Variants in UBE2J1 observed in about 807,000 individuals in gnomAD.
UBE2J1 encodes the protein ubiquitin-conjugating enzyme E2 J1.
A neutral mutation model predicts 42.1 loss-of-function variants in UBE2J1; 17 were observed. That is an observed-to-expected ratio of 0.40 (90% confidence interval 0.28 to 0.61). UBE2J1 has a LOEUF of 0.61. Among genes scored for constraint, UBE2J1 ranks in the 20% least tolerant of loss-of-function variants. UBE2J1 has a pLI of 0.38. For synonymous variants in UBE2J1, 127 were observed against 137.2 expected, an observed-to-expected ratio of 0.93 and a Z score of 0.52; for missense variants, 291 against 389.4, an observed-to-expected ratio of 0.75 and a Z score of 2.13.
chr6:89,338,944 C>A (rs956070077), intron 3 of UBE2J1, among the ~76,000 whole-genome samples: 1 of 152,022 alleles, frequency 6.6e-6, no homozygotes, highest in Admixed American at 6.6e-5. Flanking sequence ...GGATTACAGG[C>A]ATGAGCCACC....
chr6:89,338,782 C>T (rs1218799277), intron 3 of UBE2J1, among the ~76,000 whole-genome samples: 1 of 149,280 alleles, frequency 6.7e-6, no homozygotes, highest in Non-Finnish European at 1.5e-5. Context: ...TCTCCTGCCT[C>T]AGCCTCCCAA....
Position 89,339,438 on chromosome 6 carries a change from G to GA in UBE2J1, c.238-896dup, listed in dbSNP as rs1187287575. Among the ~76,000 whole-genome samples the GA allele has an allele frequency of 2.7e-3, 137 of 50,024 alleles. 2 individuals are homozygous for GA. Among genetic ancestry groups the GA allele is most frequent in the African/African-American group, 0.011 (123 of 11,062 alleles). The allele number at this position is 50,024 out of a possible 152,430, so 32.8% of individuals were successfully genotyped here. A position where few individuals can be genotyped will look rare whatever the true frequency, so the allele number is the denominator to read the frequency against. ...GTGTGAGACCCTGTCCCCAAGAAAAGAAAAAAAAAGAGGAGAGGAGGGGAG... is the reference window on the plus strand; with the variant it reads ...GTGTGAGACCCTGTCCCCAAGAAAAGAAAAAAAAAAGAGGAGAGGAGGGGAG... On this transcript the variant is annotated intron_variant, in intron 3 of 7. Coordinates refer to ENST00000435041, the MANE Select transcript of UBE2J1 (RefSeq NM_016021.3).
At chr6:89,352,281 G>C (rs1003393669) in intron 1 of UBE2J1, among the ~76,000 whole-genome samples, 3 of 152,166 alleles carry the variant, frequency 2.0e-5, no homozygotes, top group South Asian at 2.1e-4. Context: ...CCAGCTCTAC[G>C]GGACCAGGCG....
chr6:89,342,085 T>C (rs896519186), intron 3 of UBE2J1, among the ~76,000 whole-genome samples: 3 of 152,230 alleles, frequency 2.0e-5, no homozygotes, highest in African/African-American at 7.2e-5. Flanking sequence ...TATTAATTCA[T>C]TGAATCCTAA....
In UBE2J1 at chr6:89,333,148, A is replaced by G. The variant is rs371742400; in HGVS notation, c.616T>C (p.Ser206Pro). The change falls in exon 7 of 8, where the codon TCA (serine) becomes CCA (proline). Residue 206 changes from serine (S) to proline (P), a missense_variant. Transcript: ENST00000435041. ...ISESDLNHSF[S>P]LTDLQDDIPT... ...ATATCATCTTGTAAATCAGTTAGTG[A>G]AAAAGAGTGGTTTAAGTCTGACTCA... The G allele has an allele frequency of 2.9e-5, 46 of 1,613,326 alleles. No individual in the cohort carries two copies. The Admixed American group carries it at 7.7e-4, about 27-fold the overall frequency.
chr6:89,332,343 AT>A (rs1382831384), intron 7 of UBE2J1, among the ~76,000 whole-genome samples: 1 of 152,140 alleles, frequency 6.6e-6, no homozygotes, highest in East Asian at 1.9e-4. Flanking sequence ...ATCCAGTCAT[AT>A]TTTTTAAATC....
chr6:89,332,139 C>A (rs1562410946), intron 7 of UBE2J1, among the ~76,000 whole-genome samples: 1 of 152,138 alleles, frequency 6.6e-6, no homozygotes, highest in Non-Finnish European at 1.5e-5. Context: ...AAGGGCAAAT[C>A]TATATTTGCC....
chr6:89,351,295 T>G (rs1346770685), intron 1 of UBE2J1, among the ~76,000 whole-genome samples: 4 of 151,970 alleles, frequency 2.6e-5, no homozygotes. Flanking sequence ...TTGGCCAGGC[T>G]GCTCTCCACC....
In UBE2J1 at chr6:89,328,771, T is replaced by G. The variant is rs1335174515; in HGVS notation, c.*908A>C. The G allele has an allele frequency of 6.6e-6, 1 of 152,170 alleles. No individual in the cohort carries two copies. The highest frequency in any genetic ancestry group is 1.9e-4 in the East Asian group (1 of 5,200). 9.4% of individuals were successfully genotyped at this position (152,170 alleles called of 1,614,324 possible). On this transcript the variant is annotated 3_prime_UTR_variant, in exon 8 of 8. Coordinates refer to ENST00000435041, the MANE Select transcript of UBE2J1 (RefSeq NM_016021.3). ...TGAGGTTTTCTATTAAAATAGGACA[T>G]GAAATATTTCAATATTATGCATATT...
chr6:89,346,150 T>G (rs1259432507), intron 1 of UBE2J1, among the ~76,000 whole-genome samples: 1 of 152,030 alleles, frequency 6.6e-6, no homozygotes, highest in Non-Finnish European at 1.5e-5. Context: ...GTGCTGAGAT[T>G]ACAGGCGGGA....
At chr6:89,342,175 G>T in intron 3 of UBE2J1, 149 bp downstream of exon 3, 3 of 693,094 alleles carry the variant, frequency 4.3e-6, no homozygotes, top group South Asian at 4.1e-5. Flanking sequence ...AATTATTTTG[G>T]AGGAAAAAAA....
chr6:89,336,957 C>T (rs1404919871), intron 5 of UBE2J1, among the ~76,000 whole-genome samples: 1 of 151,930 alleles, frequency 6.6e-6, no homozygotes, highest in Non-Finnish European at 1.5e-5. Context: ...CCTTCCACCT[C>T]AGTCTCTAAG....
Position 89,339,764 on chromosome 6 carries a change from C to G in UBE2J1, c.238-1221G>C, listed in dbSNP as rs533317222. 5.3e-5 allele frequency among the ~76,000 whole-genome samples: 8 copies of G among 150,946 alleles called. No individual in the cohort carries two copies. The South Asian group carries it at 1.7e-3, about 32-fold the overall frequency. On this transcript the variant is annotated intron_variant, in intron 3 of 7. Coordinates refer to ENST00000435041, the MANE Select transcript of UBE2J1 (RefSeq NM_016021.3). ...GTGACTCATGTCTGTAATCCCAGCACTTGGGAGGCTAAGGTAGGAAGGTCA... is the reference window on the plus strand; with the variant it reads ...GTGACTCATGTCTGTAATCCCAGCAGTTGGGAGGCTAAGGTAGGAAGGTCA...
chr6:89,343,635 GT>G, intron 2 of UBE2J1, 47 bp downstream of exon 2: 1 of 1,451,200 alleles, frequency 6.9e-7, no homozygotes, highest in Non-Finnish European at 9.4e-7. Context: ...TAAAAAATTT[GT>G]TTTAAATATT....
chr6:89,331,947 A>T (rs1403550425), intron 7 of UBE2J1, among the ~76,000 whole-genome samples: 2 of 152,222 alleles, frequency 1.3e-5, no homozygotes, highest in Non-Finnish European at 2.9e-5. Context: ...TTACATTGGG[A>T]TCACACAAAA....
At chr6:89,349,100 G>T (rs1289497063) in intron 1 of UBE2J1, among the ~76,000 whole-genome samples, 2 of 152,164 alleles carry the variant, frequency 1.3e-5, no homozygotes, top group Non-Finnish European at 2.9e-5. Context: ...AGCTGGGTGT[G>T]GTGGCACACA....
At chr6:89,332,104 A>G (rs1045912494) in intron 7 of UBE2J1, among the ~76,000 whole-genome samples, 2 of 152,026 alleles carry the variant, frequency 1.3e-5, no homozygotes, top group African/African-American at 4.8e-5. Flanking sequence ...ATTCACTCCC[A>G]CTTTACGTAC....
At chr6:89,342,897 A>G (rs73752738) in intron 2 of UBE2J1, among the ~76,000 whole-genome samples, 1,715 of 152,332 alleles carry the variant, frequency 0.011, 34 homozygotes, top group African/African-American at 0.039. Context: ...ATTTAATGTC[A>G]TCTTACAGTT....
chr6:89,343,671 A>T lies in UBE2J1; in HGVS notation c.105+12T>A, dbSNP rs765680698. On this transcript the variant is annotated intron_variant, in intron 2 of 7. Transcript: ENST00000435041. Reference sequence around the variant, plus strand: ...TAAAATCCATATGAAGAACATGGAGATAGAAACTAACCTCTAAAGGCTGCG... The same window carrying T: ...TAAAATCCATATGAAGAACATGGAGTTAGAAACTAACCTCTAAAGGCTGCG... 8 of 1,580,330 alleles carry T rather than the reference A, an allele frequency of 5.1e-6. No homozygotes were observed. Among genetic ancestry groups the T allele is most frequent in the Non-Finnish European group, 8.6e-7 (1 of 1,167,372 alleles).
Sources: allele counts gnomAD v4.1 joint callset (sites outside exome capture counted in the v4.1 genomes callset), GRCh38; gene constraint gnomAD v4.1.1; transcripts MANE v1.5; gene names NCBI Gene and HGNC (gene_info 2026-07-23, HGNC 2026-07-21).